Variants in PDE10A observed in about 807,000 individuals in gnomAD.
PDE10A encodes the protein phosphodiesterase 10A.
Under a neutral mutation model 97.7 loss-of-function variants are expected in PDE10A, and 39 were observed. The observed-to-expected ratio is 0.40, with a 90% CI of 0.31 to 0.52. PDE10A has a LOEUF of 0.52. Ranked by LOEUF, PDE10A falls within the 20% of genes least tolerant of loss-of-function variation. PDE10A has a pLI of 0.56. For missense variants in PDE10A, 731 were observed against 1,047.8 expected, an observed-to-expected ratio of 0.70 and a Z score of 4.17; for synonymous variants, 371 against 376.8, an observed-to-expected ratio of 0.98 and a Z score of 0.18.
At chr6:165,973,645 G>A (rs925370473) in intron 1 of PDE10A, among the ~76,000 whole-genome samples, 1 of 152,122 alleles carries the variant, frequency 6.6e-6, no homozygotes, top group African/African-American at 2.4e-5. Context: ...CGCTGAAGAG[G>A]CCCCAGGGAA....
intron 10 of PDE10A, among the ~76,000 whole-genome samples, chr6:165,419,322 T>C (rs1289740499): frequency 6.6e-6 from 1 of 152,264 alleles, no homozygotes. Context: ...TACTGTCTAA[T>C]AAAAATTTGT....
intron 1 of PDE10A, among the ~76,000 whole-genome samples, chr6:165,740,490 G>A (rs1359226847): frequency 6.6e-6 from 1 of 152,020 alleles, no homozygotes; most frequent in Non-Finnish European, 1.5e-5. Context: ...GCCACCACGT[G>A]CTCGGCTAAT....
chr6:165,837,110 T>A (rs191028774), intron 1 of PDE10A, among the ~76,000 whole-genome samples: 28,257 of 148,352 alleles, frequency 0.19, 3,199 homozygotes, highest in Middle Eastern at 0.26. Flanking sequence ...GATGACGAGT[T>A]AGTGGGTGCA....
At chr6:165,399,261 G>C (rs1263712890) in intron 13 of PDE10A, among the ~76,000 whole-genome samples, 1 of 152,014 alleles carries the variant, frequency 6.6e-6, no homozygotes, top group Non-Finnish European at 1.5e-5. Flanking sequence ...CCTTTCAACT[G>C]AACTACTCAT....
intron 18 of PDE10A, among the ~76,000 whole-genome samples, chr6:165,361,926 T>A (rs937717525): frequency 5.9e-5 from 9 of 152,170 alleles, no homozygotes; most frequent in African/African-American, 2.2e-4. Context: ...AGTCCTAGAA[T>A]ATGAATACAA....
At position 165,636,317 on chromosome 6, in the gene PDE10A, A is replaced by AC. The variant is rs778186428; in HGVS notation, c.865+25629_865+25630insG. ...CCCTCCCATACACACACACACACAC[A>AC]AACACTCTTCAAAATAAAGTTACAA... On this transcript the variant is annotated intron_variant, in intron 1 of 21. Transcript: ENST00000539869. Among the ~76,000 whole-genome samples, 252 of 152,180 alleles carry AC rather than the reference A, an allele frequency of 1.7e-3. 1 individual carries two copies. Among genetic ancestry groups the AC allele is most frequent in the Non-Finnish European group, 3.0e-3 (201 of 68,000 alleles).
Position 165,332,957 on chromosome 6 carries a change from A to T in PDE10A, c.*68T>A. 1.4e-6 allele frequency: 1 copy of T among 698,956 alleles called. No homozygotes were observed. Among genetic ancestry groups the T allele is most frequent in the Non-Finnish European group, 2.5e-6 (1 of 403,518 alleles). 43.3% of individuals were successfully genotyped at this position (698,956 alleles called of 1,614,324 possible). A position where few individuals can be genotyped will look rare whatever the true frequency, so the allele number is the denominator to read the frequency against. Reference sequence around the variant, plus strand: ...GGTTCCCCCCACCCCCCCCAAAAAAAGGAAAAGAATGTCAAAGAAGCAAGA... The same window carrying T: ...GGTTCCCCCCACCCCCCCCAAAAAATGGAAAAGAATGTCAAAGAAGCAAGA... On this transcript the variant is annotated 3_prime_UTR_variant, in exon 22 of 22. Coordinates refer to ENST00000539869, the MANE Select transcript of PDE10A (RefSeq NM_001385079.1).
At chr6:165,878,413 A>T (rs148459130) in intron 1 of PDE10A, among the ~76,000 whole-genome samples, 19 of 152,352 alleles carry the variant, frequency 1.2e-4, no homozygotes, top group Middle Eastern at 3.4e-3. Flanking sequence ...GTCAGTAAAC[A>T]AGTAAAAGCA....
At chr6:165,444,187 G>A (rs1179350190) in intron 5 of PDE10A, among the ~76,000 whole-genome samples, 3 of 151,932 alleles carry the variant, frequency 2.0e-5, no homozygotes, top group Non-Finnish European at 2.9e-5. Context: ...CAGCATTTTC[G>A]TCACAACCAT....
chr6:165,712,817 T>C (rs1791933842), intron 1 of PDE10A, among the ~76,000 whole-genome samples: 1 of 151,918 alleles, frequency 6.6e-6, no homozygotes. Context: ...TTTTTTGTAT[T>C]TTTTAGTAGA....
chr6:165,819,350 A>T lies in PDE10A; in HGVS notation c.-615+168179T>A, dbSNP rs1779504496. Among the ~76,000 whole-genome samples, 1 of 152,192 alleles carries T rather than the reference A, an allele frequency of 6.6e-6. No homozygotes were observed. The highest frequency in any genetic ancestry group is 1.5e-5 in the Non-Finnish European group (1 of 68,012). ...TTCTTTAAAATCCCCACTTCCCCTG[A>T]GAGATTCAGATGCTCATCCTCAGCT... is the stretch of plus-strand genomic sequence containing the variant. On this transcript the variant is annotated intron_variant, in intron 1 of 19. Coordinates refer to the PDE10A transcript ENST00000366882. This position sits in a 1 kb window ranked among gnomAD's most constrained non-coding sequence, Gnocchi z 4.2.
At chr6:165,390,513 A>G (rs948250271) in intron 16 of PDE10A, among the ~76,000 whole-genome samples, 5 of 152,208 alleles carry the variant, frequency 3.3e-5, no homozygotes, top group African/African-American at 1.2e-4. Flanking sequence ...GCATGCGTAC[A>G]TGCAGATGGC....
intron 1 of PDE10A, among the ~76,000 whole-genome samples, chr6:165,854,021 C>T (rs934600685): frequency 1.1e-4 from 16 of 152,264 alleles, no homozygotes; most frequent in Admixed American, 8.5e-4. Flanking sequence ...GAAGCCAAGG[C>T]CGTGATGCGG....
upstream of PDE10A, among the ~76,000 whole-genome samples, chr6:165,663,468 G>A (rs900914931): frequency 6.6e-6 from 1 of 152,224 alleles, no homozygotes; most frequent in Non-Finnish European, 1.5e-5. Context: ...GAGTCCTGCA[G>A]CTGCTCCAGC....
At chr6:165,935,876 A>T (rs1345474448) in intron 1 of PDE10A, among the ~76,000 whole-genome samples, 1 of 152,224 alleles carries the variant, frequency 6.6e-6, no homozygotes, top group Non-Finnish European at 1.5e-5. Flanking sequence ...AGGTTCTCAC[A>T]AGATACAGCC....
chr6:165,548,932 T>C (rs77566098), intron 1 of PDE10A, among the ~76,000 whole-genome samples: 594 of 152,320 alleles, frequency 3.9e-3, no homozygotes, highest in Non-Finnish European at 6.3e-3. Flanking sequence ...TACGAAACCA[T>C]ATATTTGAAT....
At chr6:165,744,824 T>C (rs954670070) in intron 1 of PDE10A, among the ~76,000 whole-genome samples, 23 of 149,758 alleles carry the variant, frequency 1.5e-4, no homozygotes, top group Admixed American at 2.6e-4. Flanking sequence ...CCCAGGGTTT[T>C]AAATATGGGA....
rs577608640 is a variant in PDE10A at position 165,682,156 on chromosome 6, C to T, written c.-614-138588G>A. Among the ~76,000 whole-genome samples, 99 of 152,234 alleles carry T rather than the reference C, an allele frequency of 6.5e-4. No individual in the cohort carries two copies. In the South Asian group the frequency reaches 9.8e-3, roughly 15 times the overall value. ...TATATCTTGTTGTCTTTTTAAGTTACGGTCTCACTCTGTCACCCAGGCTGG... is the reference window on the plus strand; with the variant it reads ...TATATCTTGTTGTCTTTTTAAGTTATGGTCTCACTCTGTCACCCAGGCTGG... On this transcript the variant is annotated intron_variant, in intron 1 of 19. Coordinates refer to the PDE10A transcript ENST00000366882.
chr6:165,571,295 A>C (rs1009258785), intron 1 of PDE10A, among the ~76,000 whole-genome samples: 18 of 152,156 alleles, frequency 1.2e-4, no homozygotes, highest in African/African-American at 4.3e-4. Context: ...ATTTTACTAC[A>C]TCTTTGCTGA....
Sources: allele counts gnomAD v4.1 joint callset (sites outside exome capture counted in the v4.1 genomes callset), GRCh38; gene constraint gnomAD v4.1.1; non-coding constraint Gnocchi (gnomAD v3.1); transcripts MANE v1.5; gene names NCBI Gene and HGNC (gene_info 2026-07-23, HGNC 2026-07-21).